Variants in RAPGEFL1 observed in about 807,000 individuals in gnomAD.
RAPGEFL1 encodes the protein Rap guanine nucleotide exchange factor like 1.
In RAPGEFL1, 31 loss-of-function variants were observed where a neutral mutation model predicts 64.4. The observed-to-expected ratio is 0.48, with a 90% CI of 0.36 to 0.65. RAPGEFL1 has a LOEUF of 0.65. Ranked by LOEUF, RAPGEFL1 falls within the 30% of genes least tolerant of loss-of-function variation. The probability of loss-of-function intolerance (pLI) is 0.00; values close to 1 mark genes in which losing one functional copy is unlikely to be tolerated. For missense variants in RAPGEFL1, 682 were observed against 677.4 expected (o/e 1.01, Z -0.08); for synonymous variants, 331 against 274.1 (o/e 1.21, Z -2.05).
In RAPGEFL1 at chr17:40,193,699, A is replaced by T. The variant is rs771024319; in HGVS notation, c.1900A>T (p.Thr634Ser). ...GGAGGCATCCCCCAATCACCTGCAG[A>T]CCAAGGCCTATGTGCGCCAGTTTCA... ...DMEASPNHLQ[T>S]KAYVRQFQVI... Residue 634 changes from threonine to serine, a missense_variant, in exon 15 of 15, where the codon ACC (threonine) becomes TCC (serine). By Grantham distance (58) the Thr-to-Ser change is moderately conservative (BLOSUM62 1). Around this residue, in one of 2 missense-constraint regions of RAPGEFL1, gnomAD observed 411 missense variants for 519.4 expected, o/e 0.79. Transcript: ENST00000620260. 1 of 1,613,994 alleles carries T rather than the reference A, an allele frequency of 6.2e-7. No homozygotes were observed. The highest frequency in any genetic ancestry group is 8.5e-7 in the Non-Finnish European group (1 of 1,179,986).
At chr17:40,180,680 G>T (rs1206542035) in intron 1 of RAPGEFL1, among the ~76,000 whole-genome samples, 2 of 152,228 alleles carry the variant, frequency 1.3e-5, no homozygotes, top group African/African-American at 4.8e-5. Context: ...CTGGGCCTCA[G>T]TTTCACATTT....
At position 40,191,585 on chromosome 17, in the gene RAPGEFL1, C is replaced by T. The variant is rs780111932; in HGVS notation, c.1518C>T (p.Cys506=). The change falls in exon 10 of 15, where the codon TGC becomes TGT. Residue 506 remains cysteine, a synonymous_variant. Coordinates refer to ENST00000620260, the MANE Select transcript of RAPGEFL1 (RefSeq NM_016339.6). This position sits in a 1 kb window ranked among gnomAD's most constrained non-coding sequence, Gnocchi z 5.1. ...ACCCCGCCTCCCACCCCCGCAGCTG[C>T]AAGCAGAACCAGGACCTGCTGTCTT... ...LKKFIKIAAL[C]KQNQDLLSFY... 1.9e-6 allele frequency: 3 copies of T among 1,608,468 alleles called. No homozygotes were observed. The highest frequency in any genetic ancestry group is 2.7e-5 in the African/African-American group (2 of 74,812).
chr17:40,184,528 TAGCCCTTGGA>T (rs1334411969), intron 3 of RAPGEFL1, 43 bp from the exon 4 acceptor site: 2 of 1,261,998 alleles, frequency 1.6e-6, no homozygotes, highest in Non-Finnish European at 2.2e-6. Flanking sequence ...CTGCAGAGAG[TAGCCCTTGGA>T]ATGAGACCCC....
chr17:40,177,356 G>A (rs370263018), upstream of RAPGEFL1: 278 of 702,024 alleles, frequency 4.0e-4, 3 homozygotes, highest in South Asian at 3.8e-3. Flanking sequence ...TTTCCCTCGC[G>A]GTCAACCCCA....
chr17:40,187,976 G>A (rs1278812597), intron 4 of RAPGEFL1, among the ~76,000 whole-genome samples: 1 of 144,838 alleles, frequency 6.9e-6, no homozygotes, highest in Non-Finnish European at 1.5e-5. Context: ...AGTGCATGGC[G>A]TGATCTCAAC....
In RAPGEFL1 at chr17:40,195,309, G is replaced by A. The variant is rs893518937; in HGVS notation, c.*1521G>A. ...GAGGTGCTGTGTCCCATGCCCTCTT[G>A]CCCTGACAGTGTCCCATGGGCCCCC... On this transcript the variant is annotated 3_prime_UTR_variant, in exon 15 of 15. Transcript: ENST00000620260. 1 of 153,496 alleles carries A rather than the reference G, an allele frequency of 6.5e-6. No homozygotes were observed. The highest frequency in any genetic ancestry group is 2.4e-5 in the African/African-American group (1 of 41,388). 9.5% of individuals were successfully genotyped at this position (153,496 alleles called of 1,614,324 possible). A position where few individuals can be genotyped will look rare whatever the true frequency, so the allele number is the denominator to read the frequency against.
rs1990221935 is a variant in RAPGEFL1 at position 40,190,489 on chromosome 17, C to T, written c.1170C>T (p.Asn390=). The change falls in exon 7 of 15, where the codon AAC becomes AAT. Residue 390 remains asparagine (N), a synonymous_variant. Transcript: ENST00000620260. ...EDCVFTALGI[N]SHLFACTRDS... is the part of the protein sequence containing the mutation. ...GTGTTTTCACCGCACTGGGCATCAA[C>T]AGCCACCTGTTTGCCTGTACTCGGG... is the stretch of plus-strand genomic sequence containing the variant. 3 of 1,614,208 alleles carry T rather than the reference C, an allele frequency of 1.9e-6. No homozygotes were observed. The highest frequency in any genetic ancestry group is 2.5e-6 in the Non-Finnish European group (3 of 1,180,044).
At chr17:40,192,389 A>G (rs1319192680) in intron 11 of RAPGEFL1, 126 bp downstream of exon 11, 2 of 1,144,674 alleles carry the variant, frequency 1.7e-6, no homozygotes, top group African/African-American at 3.1e-5. Context: ...CACCCTCCTT[A>G]CCATGCTGGA....
upstream of RAPGEFL1, chr17:40,177,394 CG>C: frequency 2.3e-6 from 1 of 442,504 alleles, no homozygotes; most frequent in Non-Finnish European, 4.5e-6. Flanking sequence ...TCGTGCGGCG[CG>C]GGGGCGAGCC....
intron 1 of RAPGEFL1, 49 bp from the exon 2 acceptor site, chr17:40,181,564 TTCG>T: frequency 1.4e-6 from 1 of 700,226 alleles, no homozygotes; most frequent in Non-Finnish European, 2.6e-6. Flanking sequence ...CATTTCCAGT[TTCG>T]TTCTGGAAGT....
rs531273711 is a variant in RAPGEFL1 at position 40,193,515 on chromosome 17, C to A, written c.1864+98C>A. ...CTGTCCAGATGTGTATTTCCATACA[C>A]TTGCTGGTTCCCCATTCTCTCCTTG... is the stretch of plus-strand genomic sequence containing the variant. On this transcript the variant is annotated intron_variant, in intron 14 of 14. Transcript: ENST00000620260. 1.5e-5 allele frequency: 23 copies of A among 1,573,002 alleles called. 1 individual carries two copies. In the South Asian group the frequency reaches 2.6e-4, roughly 17 times the overall value.
At chr17:40,177,144 A>T (rs1598435683), upstream of RAPGEFL1, 2 of 702,196 alleles carry the variant, frequency 2.8e-6, no homozygotes, top group Admixed American at 2.0e-5. Context: ...AAAGGTGCAC[A>T]CTCTTGGGTT....
intron 6 of RAPGEFL1, among the ~76,000 whole-genome samples, chr17:40,190,230 G>GTT (rs1990213097): frequency 6.6e-6 from 1 of 152,168 alleles, no homozygotes; most frequent in African/African-American, 2.4e-5. Context: ...AAGAAAGGGA[G>GTT]TAGAAAAAAA....
chr17:40,191,393 C>G lies in RAPGEFL1; in HGVS notation c.1413C>G (p.Arg471=). 6.2e-7 allele frequency: 1 copy of G among 1,601,770 alleles called. No individual in the cohort carries two copies. The highest frequency in any genetic ancestry group is 8.5e-7 in the Non-Finnish European group (1 of 1,177,942). The change falls in exon 9 of 15, where the codon CGC becomes CGG. Residue 471 remains arginine (R), a synonymous_variant. Transcript: ENST00000620260. This position sits in a 1 kb window ranked among gnomAD's most constrained non-coding sequence, Gnocchi z 5.1. The stretch of plus-strand genomic sequence containing the variant: ...CCAACTTGGAGCTGCTGCTGCAGCG[C>G]TGCAGCGAGGTCACGCACTGGGTGG... ...ETANLELLLQ[R]CSEVTHWVAT... is the part of the protein sequence containing the mutation.
chr17:40,190,711 T>C lies in RAPGEFL1; in HGVS notation c.1284T>C (p.Val428=). ...TCCACCGAGTGGAGCCTGAGGACGT[T>C]GCCAACCACCTAACTGCCTTCCACT... ...TEIHRVEPED[V]ANHLTAFHWE... Residue 428 remains valine (V), a synonymous_variant, in exon 8 of 15, where the codon GTT becomes GTC. Transcript: ENST00000620260. 2 of 1,614,126 alleles carry C rather than the reference T, an allele frequency of 1.2e-6. No individual in the cohort carries two copies. Among genetic ancestry groups the C allele is most frequent in the Non-Finnish European group, 1.7e-6 (2 of 1,180,028 alleles).
chr17:40,190,297 C>A (rs1825384007), intron 6 of RAPGEFL1, 137 bp from the exon 7 acceptor site: 1 of 665,926 alleles, frequency 1.5e-6, no homozygotes, highest in Non-Finnish European at 2.7e-6. Flanking sequence ...ATGGCATAAA[C>A]TAGTGATAAG....
Position 40,193,357 on chromosome 17 carries a change from T to C in RAPGEFL1, c.1810-6T>C, listed in dbSNP as rs1990344595. ...CTTTCAAGGCTCATTCCTTGTCATC[T>C]CCCAGCATTCAGTGGCCGAAAAAGT... On this transcript the variant is annotated splice_region_variant and splice_polypyrimidine_tract_variant and intron_variant, in intron 13 of 14. Transcript: ENST00000620260. 1.9e-6 allele frequency: 3 copies of C among 1,614,104 alleles called. No homozygotes were observed. Among genetic ancestry groups the C allele is most frequent in the Non-Finnish European group, 2.5e-6 (3 of 1,180,016 alleles).
Position 40,184,313 on chromosome 17 carries a change from G to A in RAPGEFL1, c.699G>A (p.Leu233=), listed in dbSNP as rs927443249. ...ATTTCTTGGACACCTACCAGGGGCT[G>A]CTTCAAGAGGAAGAGGGGGCCGGCC... ...LLHFLDTYQG[L]LQEEEGAGHI... The change falls in exon 3 of 15, where the codon CTG becomes CTA. Residue 233 remains leucine, a synonymous_variant. Transcript: ENST00000620260. 1 of 1,613,486 alleles carries A rather than the reference G, an allele frequency of 6.2e-7. No individual in the cohort carries two copies. Among genetic ancestry groups the A allele is most frequent in the Middle Eastern group, 1.7e-4 (1 of 6,058 alleles).
chr17:40,189,413 G>A, intron 6 of RAPGEFL1, 38 bp downstream of exon 6: 1 of 1,607,780 alleles, frequency 6.2e-7, no homozygotes, highest in Non-Finnish European at 8.5e-7. Flanking sequence ...GCTCCGAGAG[G>A]AGAAACTCAC....
Sources: gnomAD v4.1 joint callset for allele counts (sites outside exome capture counted in the v4.1 genomes callset) on GRCh38, gnomAD v4.1.1 for gene constraint, gnomAD v4.1.1 regional missense constraint, Gnocchi (gnomAD v3.1) non-coding constraint, MANE v1.5 for transcripts, NCBI Gene and HGNC (gene_info 2026-07-23, HGNC 2026-07-21) for gene names.